The following FGGY variants were observed in gnomAD, a reference collection of about 807,000 sequenced individuals.
FGGY encodes the protein FGGY carbohydrate kinase domain containing, also known as FGGY carbohydrate kinase domain-containing protein.
A neutral mutation model predicts 71.3 loss-of-function variants in FGGY; 72 were observed. That is an observed-to-expected ratio of 1.01 (90% CI 0.84 to 1.23). The LOEUF is 1.23. Among genes scored for constraint, FGGY ranks in the 50% most tolerant of loss-of-function variants. FGGY has a pLI of 0.00. For synonymous variants in FGGY, 251 were observed against 250.3 expected (o/e 1.00, Z -0.02); for missense variants, 668 against 682.3 (o/e 0.98, Z 0.23).
intron 14 of FGGY, among the ~76,000 whole-genome samples, chr1:59,703,768 A>G (rs1243487235): frequency 6.6e-6 from 1 of 152,222 alleles, no homozygotes; most frequent in East Asian, 1.9e-4. Flanking sequence ...AAACTCTGTC[A>G]TGAGTCATTT....
At chr1:59,372,723 C>G (rs1008307841) in intron 4 of FGGY, among the ~76,000 whole-genome samples, 3 of 152,138 alleles carry the variant, frequency 2.0e-5, no homozygotes, top group African/African-American at 4.8e-5. Context: ...GATCAAGTGG[C>G]CGTCATCCCT....
chr1:59,675,763 G>T (rs574894514), intron 14 of FGGY, among the ~76,000 whole-genome samples: 81 of 152,264 alleles, frequency 5.3e-4, no homozygotes, highest in Non-Finnish European at 9.0e-4. Flanking sequence ...AAACAGGGGG[G>T]ATGCTTACTA....
chr1:59,710,338 A>G (rs1246305731), intron 14 of FGGY, among the ~76,000 whole-genome samples: 2 of 152,262 alleles, frequency 1.3e-5, no homozygotes, highest in African/African-American at 2.4e-5. Flanking sequence ...TAAAACCAGA[A>G]AAACCCTAGA....
At chr1:59,690,196 G>C (rs1344532238) in intron 14 of FGGY, among the ~76,000 whole-genome samples, 1 of 152,118 alleles carries the variant, frequency 6.6e-6, no homozygotes, top group African/African-American at 2.4e-5. Context: ...TAGTATGGTG[G>C]GGTGCTGGGA....
intron 4 of FGGY, among the ~76,000 whole-genome samples, chr1:59,370,848 G>A (rs2057482035): frequency 6.6e-6 from 1 of 151,780 alleles, no homozygotes. Flanking sequence ...TTACAGACAA[G>A]CAAATGCTGA....
intron 6 of FGGY, among the ~76,000 whole-genome samples, chr1:59,479,742 A>G (rs1194900830): frequency 6.6e-6 from 1 of 152,090 alleles, no homozygotes; most frequent in Admixed American, 6.5e-5. Context: ...TGATTAGAGA[A>G]ATCTTGGAGG....
At chr1:59,587,634 T>A (rs1301912758) in intron 8 of FGGY, among the ~76,000 whole-genome samples, 2 of 152,142 alleles carry the variant, frequency 1.3e-5, no homozygotes, top group East Asian at 1.9e-4. Flanking sequence ...GCATTCGCGG[T>A]TCACGATAAT....
chr1:59,488,913 C>G (rs977677202), intron 6 of FGGY, among the ~76,000 whole-genome samples: 1 of 152,014 alleles, frequency 6.6e-6, no homozygotes, highest in East Asian at 1.9e-4. Flanking sequence ...GCATTTCCAA[C>G]AGTCCATAAG....
intron 14 of FGGY, among the ~76,000 whole-genome samples, chr1:59,715,429 T>C (rs1185184171): frequency 1.3e-5 from 2 of 152,244 alleles, no homozygotes; most frequent in East Asian, 1.9e-4. Context: ...CAGCCCAATT[T>C]AATCAATTGA....
chr1:59,653,840 C>G (rs574509233), intron 11 of FGGY, among the ~76,000 whole-genome samples: 1 of 152,158 alleles, frequency 6.6e-6, no homozygotes, highest in East Asian at 1.9e-4. Context: ...TGAACCACTC[C>G]GATTTCTATT....
intron 5 of FGGY, among the ~76,000 whole-genome samples, chr1:59,415,190 G>T (rs945730587): frequency 1.3e-5 from 2 of 152,138 alleles, no homozygotes; most frequent in African/African-American, 4.8e-5. Flanking sequence ...GCTTTGGGAA[G>T]ATCAAAAATG....
intron 5 of FGGY, among the ~76,000 whole-genome samples, chr1:59,441,798 C>T (rs184589202): frequency 1.4e-4 from 21 of 152,334 alleles, no homozygotes; most frequent in African/African-American, 5.1e-4. Flanking sequence ...ATGCCTTCTT[C>T]ATAGCAGCAC....
At chr1:59,324,530 C>T (rs972909869) in intron 2 of FGGY, among the ~76,000 whole-genome samples, 1 of 152,062 alleles carries the variant, frequency 6.6e-6, no homozygotes, top group African/African-American at 2.4e-5. Flanking sequence ...CCCGCCTCGG[C>T]CTCCCAAAGT....
intron 8 of FGGY, among the ~76,000 whole-genome samples, chr1:59,556,130 A>G (rs1389704706): frequency 6.6e-6 from 1 of 152,178 alleles, no homozygotes; most frequent in African/African-American, 2.4e-5. Context: ...CCAGCCCAGG[A>G]GCCAGCCCTT....
In FGGY at chr1:59,452,220, C is replaced by G. The variant is rs148857823; in HGVS notation, c.555-4741C>G. On this transcript the variant is annotated intron_variant, in intron 5 of 15. Transcript: ENST00000303721. The stretch of plus-strand genomic sequence containing the variant: ...CATCATTATGTCAATCTCTTTGTAT[C>G]TTTGCTACTTGTAGTAGCAAAGTGG... Among the ~76,000 whole-genome samples, 645 of 151,796 alleles carry G rather than the reference C, an allele frequency of 4.2e-3. 1 individual carries two copies. Among genetic ancestry groups the G allele is most frequent in the Non-Finnish European group, 7.3e-3 (493 of 67,942 alleles).
chr1:59,356,308 A>G (rs2054300236), intron 4 of FGGY, among the ~76,000 whole-genome samples: 1 of 152,162 alleles, frequency 6.6e-6, no homozygotes, highest in South Asian at 2.1e-4. Context: ...GGCTCTCATG[A>G]TTCCATGCCT....
chr1:59,491,057 T>TTCCTTTCCTTCCCTCCCTC (rs1558108260), intron 6 of FGGY, among the ~76,000 whole-genome samples: 2 of 13,690 alleles, frequency 1.5e-4, no homozygotes, highest in Non-Finnish European at 2.8e-4. Flanking sequence ...CTTCCTTCCT[T>TTCCTTTCCTTCCCTCCCTC]CCTTCCTTCC....
At chr1:59,603,242 A>C (rs1260230670) in intron 8 of FGGY, among the ~76,000 whole-genome samples, 1 of 152,196 alleles carries the variant, frequency 6.6e-6, no homozygotes, top group East Asian at 1.9e-4. Context: ...CTTTGAGGTA[A>C]TTTTGAATCT....
chr1:59,317,440 G>A (rs368400037), intron 1 of FGGY, among the ~76,000 whole-genome samples: 1 of 152,216 alleles, frequency 6.6e-6, no homozygotes, highest in Non-Finnish European at 1.5e-5. Flanking sequence ...TAAGTGACAC[G>A]ATGATGATCC....
Sources: allele counts gnomAD v4.1 joint callset (sites outside exome capture counted in the v4.1 genomes callset), GRCh38; gene constraint gnomAD v4.1.1; transcripts MANE v1.5; gene names NCBI Gene and HGNC (gene_info 2026-07-23, HGNC 2026-07-21).